Variants in PCBP3 observed in about 807,000 individuals in gnomAD.
The protein encoded by PCBP3 is poly(rC) binding protein 3.
In PCBP3, 25 loss-of-function variants were observed where a neutral mutation model predicts 52.7. The observed-to-expected ratio is 0.47, with a 90% CI of 0.35 to 0.66. The LOEUF is 0.66. PCBP3 is among the 30% of genes least tolerant of loss of function. The probability of loss-of-function intolerance (pLI) is 0.01; values close to 1 mark genes in which losing one functional copy is unlikely to be tolerated. For synonymous variants in PCBP3, 162 were observed against 183.0 expected (o/e 0.89, Z 0.93); for missense variants, 391 against 490.3 (o/e 0.80, Z 1.91).
rs1327275296 is a variant in PCBP3, at chr21:45,940,239, G to A, written c.1079+40G>A. 12 of 1,569,300 alleles carry A rather than the reference G, an allele frequency of 7.6e-6. No homozygotes were observed. The Admixed American group carries it at 1.9e-4, about 25-fold the overall frequency. ...AGGGTCTCTGAGAGACGCCCGGAAA[G>A]GGACGCGCCAGCCGGCGTTACATCA... On this transcript the variant is annotated intron_variant, in intron 17 of 17. Transcript: ENST00000681687.
chr21:45,767,309 C>T (rs1403060279), intron 4 of PCBP3, among the ~76,000 whole-genome samples: 2 of 152,164 alleles, frequency 1.3e-5, no homozygotes, highest in Non-Finnish European at 1.5e-5. Context: ...AACCACACAG[C>T]GTCTGGCTTC....
intron 4 of PCBP3, among the ~76,000 whole-genome samples, chr21:45,834,607 T>C (rs2093537072): frequency 6.6e-6 from 1 of 152,142 alleles, no homozygotes; most frequent in Non-Finnish European, 1.5e-5. Flanking sequence ...AGTGCTGCAC[T>C]GTGAGGGTGC....
intron 9 of PCBP3, 130 bp downstream of exon 9, chr21:45,901,243 G>A (rs528607679): frequency 7.0e-5 from 49 of 704,200 alleles, no homozygotes; most frequent in East Asian, 6.5e-4. Context: ...CCATAACTAC[G>A]CTCACCTCCT....
chr21:45,839,656 C>T (rs543845893), intron 4 of PCBP3, among the ~76,000 whole-genome samples: 15 of 152,232 alleles, frequency 9.9e-5, no homozygotes, highest in South Asian at 2.1e-4. Context: ...TATAGGCCTA[C>T]GCTAATGTGT....
chr21:45,790,177 G>T (rs546152800), intron 4 of PCBP3, among the ~76,000 whole-genome samples: 2 of 152,254 alleles, frequency 1.3e-5, no homozygotes, highest in Admixed American at 6.5e-5. Flanking sequence ...AGGGGATCCA[G>T]TGGGGAAGCA....
rs144348529 is a variant in PCBP3, at chr21:45,921,442, T to C, written c.717+3813T>C. Among the ~76,000 whole-genome samples the C allele has an allele frequency of 4.8e-3, 724 of 152,302 alleles. 5 individuals are homozygous for C. Among genetic ancestry groups the C allele is most frequent in the African/African-American group, 0.016 (666 of 41,550 alleles). ...GTTTGAGTATTTCTTTATGTAAAAC[T>C]AAAATATGCATGTGTTTTCTGTGCC... On this transcript the variant is annotated intron_variant, in intron 13 of 17. Transcript: ENST00000681687.
In PCBP3 at chr21:45,731,729, C is replaced by T. The variant is rs532777452; in HGVS notation, c.-199-3663C>T. ...TTTGTTGTATATTTCCTTAAGCTAC[C>T]ATAGTCATCTGCAAGTAATATCATA... On this transcript the variant is annotated intron_variant, in intron 2 of 17. Transcript: ENST00000681687. Among the ~76,000 whole-genome samples the T allele has an allele frequency of 9.2e-5, 14 of 152,248 alleles. No individual in the cohort carries two copies. In the South Asian group the frequency reaches 2.9e-3, roughly 32 times the overall value.
intron 13 of PCBP3, among the ~76,000 whole-genome samples, chr21:45,922,975 T>A (rs896226327): frequency 8.1e-6 from 1 of 123,232 alleles, no homozygotes; most frequent in Admixed American, 7.6e-5. Flanking sequence ...TGTAGAAATG[T>A]GTCGTTGTAA....
intron 5 of PCBP3, among the ~76,000 whole-genome samples, chr21:45,884,445 T>G (rs1372255802): frequency 6.6e-6 from 1 of 152,208 alleles, no homozygotes; most frequent in Non-Finnish European, 1.5e-5. Flanking sequence ...AGCATATATA[T>G]ACACACACAA....
chr21:45,787,213 A>G (rs1401628230), intron 4 of PCBP3, among the ~76,000 whole-genome samples: 1 of 151,656 alleles, frequency 6.6e-6, no homozygotes, highest in Non-Finnish European at 1.5e-5. Flanking sequence ...AACGTAATTC[A>G]TTAGGATAAC....
In PCBP3 at chr21:45,889,509, G is replaced by T. The variant is rs557243644; in HGVS notation, c.11-6699G>T. ...TGGGCAGACAGCAACGGTGCAGGCA[G>T]TGTGGTTGCCTGGCACCCCTTCCTC... On this transcript the variant is annotated intron_variant, in intron 5 of 17. Transcript: ENST00000681687. 2.5e-3 allele frequency among the ~76,000 whole-genome samples: 374 copies of T among 152,356 alleles called. 1 individual carries two copies. Among genetic ancestry groups the T allele is most frequent in the Non-Finnish European group, 4.5e-3 (306 of 68,034 alleles).
In PCBP3 at chr21:45,853,334, C is replaced by T. The variant is rs190807903; in HGVS notation, c.10+3239C>T. On this transcript the variant is annotated intron_variant, in intron 5 of 17. Coordinates refer to ENST00000681687, the MANE Select transcript of PCBP3 (RefSeq NM_001384156.1). The surrounding 1 kb of genome is among the most constrained non-coding windows in gnomAD (Gnocchi z 4.6). ...GCCGTGGGTTGGGTGTGCCAATGGCCCTTAAAGGCAGGGCTGGCGTTACTG... is the reference window on the plus strand; with the variant it reads ...GCCGTGGGTTGGGTGTGCCAATGGCTCTTAAAGGCAGGGCTGGCGTTACTG... 2.8e-4 allele frequency among the ~76,000 whole-genome samples: 43 copies of T among 152,236 alleles called. No homozygotes were observed. The highest frequency in any genetic ancestry group is 1.0e-3 in the African/African-American group (42 of 41,522).
At chr21:45,876,996 G>A (rs185233848) in intron 5 of PCBP3, among the ~76,000 whole-genome samples, 42 of 152,334 alleles carry the variant, frequency 2.8e-4, no homozygotes, top group Non-Finnish European at 4.7e-4. Flanking sequence ...GCTGCCAGCC[G>A]CACTCACAGC....
At chr21:45,782,039 A>T (rs1039375498) in intron 4 of PCBP3, among the ~76,000 whole-genome samples, 1 of 137,908 alleles carries the variant, frequency 7.3e-6, no homozygotes, top group African/African-American at 2.6e-5. Context: ...TCCATTATAT[A>T]TCTCAAAGCT....
In PCBP3 at chr21:45,928,960, G is replaced by A. The variant is rs1008073888; in HGVS notation, c.718-957G>A. Among the ~76,000 whole-genome samples, 1 of 152,192 alleles carries A rather than the reference G, an allele frequency of 6.6e-6. No individual in the cohort carries two copies. The highest frequency in any genetic ancestry group is 2.4e-5 in the African/African-American group (1 of 41,454). On this transcript the variant is annotated intron_variant, in intron 13 of 17. Transcript: ENST00000681687. The surrounding 1 kb of genome is among the most constrained non-coding windows in gnomAD (Gnocchi z 4.1). ...CCCTCTGCAGCACCCAGCCTTGACAGCCCCACTGGAGGCCTGTGGCTCCTG... is the reference window on the plus strand; with the variant it reads ...CCCTCTGCAGCACCCAGCCTTGACAACCCCACTGGAGGCCTGTGGCTCCTG...
intron 5 of PCBP3, chr21:45,894,016 G>A (rs576808395): frequency 4.1e-6 from 4 of 985,528 alleles, no homozygotes; most frequent in East Asian, 1.1e-4. Flanking sequence ...CGGCATGGAC[G>A]GGTAGGTGCC....
chr21:45,824,323 A>G (rs74445233), intron 4 of PCBP3, among the ~76,000 whole-genome samples: 1,882 of 152,240 alleles, frequency 0.012, 54 homozygotes, highest in African/African-American at 0.042. Context: ...TGTGTTTTAG[A>G]TCTCATTCCC....
At position 45,788,243 on chromosome 21, in the gene PCBP3, T is replaced by TGGGTCCTGCCAA. The variant is rs553198537; in HGVS notation, c.-126+32793_-126+32804dup. Reference sequence around the variant, plus strand: ...CAGGGTGTGGGCGGCGTGCCTGGCATGGGTCCTGCCAAGTTCGTCAGGTAA... The same window carrying TGGGTCCTGCCAA: ...CAGGGTGTGGGCGGCGTGCCTGGCATGGGTCCTGCCAAGGGTCCTGCCAAGTTCGTCAGGTAA... On this transcript the variant is annotated intron_variant, in intron 4 of 17. Coordinates refer to ENST00000681687, the MANE Select transcript of PCBP3 (RefSeq NM_001384156.1). This position sits in a 1 kb window ranked among gnomAD's most constrained non-coding sequence, Gnocchi z 4.3. The TGGGTCCTGCCAA allele has an allele frequency of 2.2e-4, 33 of 152,734 alleles. No homozygotes were observed. The highest frequency in any genetic ancestry group is 6.7e-4 in the African/African-American group (28 of 41,570). 9.5% of individuals were successfully genotyped at this position (152,734 alleles called of 1,614,324 possible).
At chr21:45,726,640 G>A (rs2085068904) in intron 2 of PCBP3, among the ~76,000 whole-genome samples, 1 of 152,176 alleles carries the variant, frequency 6.6e-6, no homozygotes, top group Non-Finnish European at 1.5e-5. Flanking sequence ...AACCTTCCCT[G>A]ATGTTTGTGT....
Sources: gnomAD v4.1 joint callset for allele counts (sites outside exome capture counted in the v4.1 genomes callset) on GRCh38, gnomAD v4.1.1 for gene constraint, Gnocchi (gnomAD v3.1) non-coding constraint, MANE v1.5 for transcripts, NCBI Gene and HGNC (gene_info 2026-07-23, HGNC 2026-07-21) for gene names.